Variants in RGPD3 observed in about 807,000 individuals in gnomAD.
RGPD3 encodes the protein RANBP2 like and GRIP domain containing 3, also known as ranBP2-like and GRIP domain-containing protein 3.
A neutral mutation model predicts 154.5 loss-of-function variants in RGPD3; 62 were observed. That is an observed-to-expected ratio of 0.40 (90% CI 0.33 to 0.50). The LOEUF is 0.50. Among genes scored for constraint, RGPD3 ranks in the 20% least tolerant of loss-of-function variants. The pLI is 0.59. For missense variants in RGPD3, 919 were observed against 1,716.8 expected (o/e 0.54, Z 8.21); for synonymous variants, 308 against 607.0 (o/e 0.51, Z 7.24).
intron 7 of RGPD3, among the ~76,000 whole-genome samples, chr2:106,443,671 C>T (rs1677828483): frequency 8.9e-6 from 1 of 112,968 alleles, no homozygotes; most frequent in African/African-American, 3.3e-5. Flanking sequence ...CAAATCATCT[C>T]AATTCACTAT....
At chr2:106,426,388 G>T (rs1269681111) in intron 18 of RGPD3, among the ~76,000 whole-genome samples, 1 of 151,978 alleles carries the variant, frequency 6.6e-6, no homozygotes, top group Non-Finnish European at 1.5e-5. Flanking sequence ...TTCTAAGAAA[G>T]ATCAGTATGA....
intron 22 of RGPD3, among the ~76,000 whole-genome samples, chr2:106,412,162 A>G (rs1327830934): frequency 2.1e-5 from 3 of 145,250 alleles, no homozygotes; most frequent in African/African-American, 7.7e-5. Context: ...AACAAAAACG[A>G]AACCATAATT....
intron 9 of RGPD3, among the ~76,000 whole-genome samples, chr2:106,438,734 A>G (rs1007765819): frequency 2.0e-5 from 3 of 150,474 alleles, no homozygotes; most frequent in African/African-American, 7.3e-5. Context: ...GTGAGCCGAG[A>G]TCGCACCACT....
At chr2:106,466,353 T>C (rs1164744185) in intron 1 of RGPD3, among the ~76,000 whole-genome samples, 4 of 148,736 alleles carry the variant, frequency 2.7e-5, no homozygotes, top group Non-Finnish European at 4.5e-5. Context: ...GCCTGAGCCA[T>C]CGAGGCCGCC....
At chr2:106,418,004 C>T (rs557070122) in intron 20 of RGPD3, among the ~76,000 whole-genome samples, 4 of 146,372 alleles carry the variant, frequency 2.7e-5, no homozygotes, top group African/African-American at 1.0e-4. Flanking sequence ...TGGCAGGTGC[C>T]TGTAATCCCA....
At chr2:106,467,444 G>C (rs1678656832) in intron 1 of RGPD3, among the ~76,000 whole-genome samples, 1 of 87,830 alleles carries the variant, frequency 1.1e-5, no homozygotes, top group African/African-American at 4.4e-5. Context: ...GGGCCGGGTC[G>C]AGGCCGCCGC....
chr2:106,469,933 G>A (rs1199768982), upstream of RGPD3, among the ~76,000 whole-genome samples: 3 of 152,144 alleles, frequency 2.0e-5, no homozygotes, highest in South Asian at 4.1e-4. Flanking sequence ...CCTGTCAATT[G>A]CATTCAGAAG....
intron 20 of RGPD3, among the ~76,000 whole-genome samples, chr2:106,418,319 T>A (rs1676873907): frequency 6.7e-6 from 1 of 149,482 alleles, no homozygotes; most frequent in Non-Finnish European, 1.5e-5. Flanking sequence ...TGGCCAAAAT[T>A]AAAAGACTAG....
At chr2:106,412,364 G>A (rs1004793142) in intron 22 of RGPD3, among the ~76,000 whole-genome samples, 1 of 125,924 alleles carries the variant, frequency 7.9e-6, no homozygotes, top group Non-Finnish European at 1.6e-5. Flanking sequence ...TCAGGCTGGA[G>A]TACAGTGGTG....
At chr2:106,460,419 G>GGGGTCTTGGAAT (rs1678374043) in intron 1 of RGPD3, among the ~76,000 whole-genome samples, 1 of 149,996 alleles carries the variant, frequency 6.7e-6, no homozygotes, top group Non-Finnish European at 1.5e-5. Context: ...TACATGTACT[G>GGGGTCTTGGAAT]TTCTCTCTAC....
At chr2:106,412,697 G>A in intron 22 of RGPD3, 1 of 462,762 alleles carries the variant, frequency 2.2e-6, no homozygotes, top group Non-Finnish European at 4.3e-6. Flanking sequence ...ATTGTCTTAA[G>A]CTATTTGGGG....
At chr2:106,451,779 T>C (rs1678131950) in intron 6 of RGPD3, among the ~76,000 whole-genome samples, 1 of 152,010 alleles carries the variant, frequency 6.6e-6, no homozygotes, top group Non-Finnish European at 1.5e-5. Context: ...GCTAAAACAG[T>C]ATTTTCTGAA....
intron 2 of RGPD3, among the ~76,000 whole-genome samples, chr2:106,458,975 T>C (rs1678319233): frequency 7.1e-6 from 1 of 141,086 alleles, no homozygotes; most frequent in Non-Finnish European, 1.5e-5. Flanking sequence ...AATTAAGATA[T>C]AGGCATGGTC....
chr2:106,466,315 G>C (rs549560723), intron 1 of RGPD3, among the ~76,000 whole-genome samples: 1 of 151,148 alleles, frequency 6.6e-6, no homozygotes, highest in Non-Finnish European at 1.5e-5. Flanking sequence ...GAGCGCGCCA[G>C]GGAGCAGCGC....
At chr2:106,462,172 A>G (rs558994557) in intron 1 of RGPD3, among the ~76,000 whole-genome samples, 1 of 152,138 alleles carries the variant, frequency 6.6e-6, no homozygotes, top group African/African-American at 2.4e-5. Flanking sequence ...TCAGCCACGG[A>G]GCCCGGCCAG....
chr2:106,425,126 T>C lies in RGPD3; in HGVS notation c.2841A>G (p.Leu947=). 6.2e-7 allele frequency: 1 copy of C among 1,611,762 alleles called. No individual in the cohort carries two copies. The highest frequency in any genetic ancestry group is 2.2e-5 in the East Asian group (1 of 44,884). The stretch of plus-strand genomic sequence containing the variant: ...TCCGGCCACTAATATCCTGAGCCTG[T>C]AAGCCAGTATCATTTTCAAGAGGCT... ...SEKPLENDTG[L]QAQDISGRKK... Residue 947 remains leucine (L), a synonymous_variant, in exon 20 of 23, where the codon TTA becomes TTG. Transcript: ENST00000409886.
At chr2:106,465,887 C>T (rs1056085816) in intron 1 of RGPD3, among the ~76,000 whole-genome samples, 9 of 151,784 alleles carry the variant, frequency 5.9e-5, no homozygotes, top group South Asian at 2.1e-4. Context: ...TCATTTGCGC[C>T]GTCGGGCCAT....
chr2:106,423,805 A>G lies in RGPD3; in HGVS notation c.4162T>C (p.Tyr1388His). 6.2e-7 allele frequency: 1 copy of G among 1,611,996 alleles called. No homozygotes were observed. Among genetic ancestry groups the G allele is most frequent in the South Asian group, 1.1e-5 (1 of 90,974 alleles). ...GIGDIKILQN[Y>H]DNKHVRILMR... ...AGTATACGAACGTGCTTATTATCAT[A>G]ATTCTGTAAAATCTTTATATCACCA... Residue 1388 changes from tyrosine (Y) to histidine (H), a missense_variant, in exon 20 of 23, where the codon TAT (tyrosine) becomes CAT (histidine). Tyr to His is a moderately conservative substitution (Grantham distance 83, BLOSUM62 2). Coordinates refer to ENST00000409886, the MANE Select transcript of RGPD3 (RefSeq NM_001144013.2).
At chr2:106,449,904 C>T (rs1259119392) in intron 6 of RGPD3, among the ~76,000 whole-genome samples, 1 of 151,824 alleles carries the variant, frequency 6.6e-6, no homozygotes, top group African/African-American at 2.4e-5. Context: ...GTAGGCCCAG[C>T]TACTCGGGAG....
Sources: gnomAD v4.1 joint callset for allele counts (sites outside exome capture counted in the v4.1 genomes callset) on GRCh38, gnomAD v4.1.1 for gene constraint, MANE v1.5 for transcripts, NCBI Gene and HGNC (gene_info 2026-07-23, HGNC 2026-07-21) for gene names.